Variants in RGS7 observed in about 807,000 individuals in gnomAD.
The protein encoded by RGS7 is regulator of G-protein signaling 7.
RGS7 carries 27 observed loss-of-function variants against 81.1 expected under a neutral mutation model. That is an observed-to-expected ratio of 0.33 (90% CI 0.25 to 0.46). RGS7 has a LOEUF of 0.46. Ranked by LOEUF, RGS7 falls within the 20% of genes least tolerant of loss-of-function variation. The pLI is 1.00. For missense variants in RGS7, 396 were observed against 607.4 expected (o/e 0.65, Z 3.66); for synonymous variants, 208 against 207.7 (o/e 1.00, Z -0.01).
chr1:240,898,542 C>T (rs75103868), intron 6 of RGS7, among the ~76,000 whole-genome samples: 19,447 of 151,980 alleles, frequency 0.13, 1,355 homozygotes, highest in Middle Eastern at 0.18. Context: ...TGTTATGTAC[C>T]CAGTAGTCAT....
intron 3 of RGS7, among the ~76,000 whole-genome samples, chr1:241,098,413 T>C (rs959561312): frequency 4.6e-5 from 7 of 152,228 alleles, no homozygotes; most frequent in African/African-American, 1.7e-4. Flanking sequence ...CTTTATTTAT[T>C]TTAATATTGT....
At chr1:240,993,311 T>C (rs904407327) in intron 3 of RGS7, among the ~76,000 whole-genome samples, 5 of 151,828 alleles carry the variant, frequency 3.3e-5, no homozygotes, top group Non-Finnish European at 7.4e-5. Context: ...GCCAAACTAT[T>C]TTCCAGAGGG....
intron 6 of RGS7, among the ~76,000 whole-genome samples, chr1:240,891,513 A>G (rs1668289609): frequency 6.6e-6 from 1 of 152,208 alleles, no homozygotes; most frequent in Non-Finnish European, 1.5e-5. Context: ...TATATTAAGT[A>G]AGAAATTAAA....
chr1:241,304,209 G>A (rs1187960702), intron 2 of RGS7, among the ~76,000 whole-genome samples: 1 of 152,114 alleles, frequency 6.6e-6, no homozygotes, highest in Non-Finnish European at 1.5e-5. Flanking sequence ...GAGTAACTAG[G>A]ACTACAAGCC....
intron 2 of RGS7, among the ~76,000 whole-genome samples, chr1:241,237,534 A>G (rs1413593366): frequency 6.6e-6 from 1 of 152,194 alleles, no homozygotes; most frequent in Non-Finnish European, 1.5e-5. Context: ...AAAATTAACC[A>G]CAGAAACTGA....
chr1:241,186,779 G>A (rs866028978), intron 2 of RGS7, among the ~76,000 whole-genome samples: 7 of 151,782 alleles, frequency 4.6e-5, no homozygotes, highest in Middle Eastern at 6.8e-3. Context: ...CACCTACCTC[G>A]GCCTCCCAAA....
At chr1:240,778,544 G>GT (rs762483529) in intron 18 of RGS7, among the ~76,000 whole-genome samples, 37 of 151,888 alleles carry the variant, frequency 2.4e-4, no homozygotes, top group Non-Finnish European at 4.1e-4. Flanking sequence ...GTTTTGTTTT[G>GT]TTTTTTTGAG....
At chr1:241,284,910 G>A (rs887278362) in intron 2 of RGS7, among the ~76,000 whole-genome samples, 4 of 151,360 alleles carry the variant, frequency 2.6e-5, no homozygotes, top group East Asian at 1.9e-4. Flanking sequence ...TCCCTCTGTC[G>A]CCCAGGCTGG....
chr1:241,244,823 G>A (rs1440433242), intron 2 of RGS7, among the ~76,000 whole-genome samples: 1 of 151,988 alleles, frequency 6.6e-6, no homozygotes, highest in Non-Finnish European at 1.5e-5. Context: ...GGATGAAGCT[G>A]GAAACCATTA....
intron 2 of RGS7, among the ~76,000 whole-genome samples, chr1:241,204,161 A>C (rs1488359343): frequency 1.3e-5 from 2 of 152,250 alleles, no homozygotes; most frequent in East Asian, 3.8e-4. Flanking sequence ...ATAGAGAAGG[A>C]GGGATGGAAC....
At chr1:241,325,733 C>A (rs1161103904) in intron 2 of RGS7, among the ~76,000 whole-genome samples, 1 of 152,034 alleles carries the variant, frequency 6.6e-6, no homozygotes. Flanking sequence ...TGTTTTAGGA[C>A]AACATTCTGA....
At chr1:241,264,792 GAC>G (rs575885097) in intron 2 of RGS7, among the ~76,000 whole-genome samples, 6 of 152,318 alleles carry the variant, frequency 3.9e-5, no homozygotes, top group Non-Finnish European at 7.3e-5. Flanking sequence ...AAAAGGAAGA[GAC>G]AGACATAAAC....
At chr1:240,875,189 C>T (rs917442907) in intron 6 of RGS7, among the ~76,000 whole-genome samples, 1 of 152,184 alleles carries the variant, frequency 6.6e-6, no homozygotes, top group Non-Finnish European at 1.5e-5. Flanking sequence ...CCAATATCTG[C>T]CCCCACTGCC....
intron 2 of RGS7, among the ~76,000 whole-genome samples, chr1:241,221,059 G>GAA (rs1464041994): frequency 4.0e-4 from 53 of 131,018 alleles, no homozygotes; most frequent in African/African-American, 1.5e-3. Flanking sequence ...AAGAAAGAAA[G>GAA]AGAGAGAGAG....
intron 3 of RGS7, among the ~76,000 whole-genome samples, chr1:241,030,935 C>T (rs10802925): frequency 0.19 from 29,550 of 152,052 alleles, 3,921 homozygotes; most frequent in African/African-American, 0.37. Context: ...TGCCCCAAAA[C>T]ACCCCCCAAC....
intron 3 of RGS7, among the ~76,000 whole-genome samples, chr1:241,051,463 A>AC (rs1463356357): frequency 5.2e-5 from 7 of 134,688 alleles, no homozygotes; most frequent in African/African-American, 2.0e-4. Context: ...GCAGAAGCCA[A>AC]CCAATATAGC....
chr1:241,315,211 C>G (rs994945083), intron 2 of RGS7, among the ~76,000 whole-genome samples: 9 of 127,262 alleles, frequency 7.1e-5, no homozygotes, highest in African/African-American at 1.5e-4. Flanking sequence ...GTCTTAATAA[C>G]AGCCAAAGAT....
chr1:241,299,935 CAAAAAAA>C (rs35939099), intron 2 of RGS7, among the ~76,000 whole-genome samples: 13 of 58,090 alleles, frequency 2.2e-4, no homozygotes, highest in African/African-American at 6.7e-4. Context: ...CTCGTTTCTC[CAAAAAAA>C]AAAAAAAAAA....
chr1:240,837,254 C>CT (rs1694869008), intron 9 of RGS7, among the ~76,000 whole-genome samples: 1 of 152,232 alleles, frequency 6.6e-6, no homozygotes, highest in Admixed American at 6.5e-5. Context: ...AGCGTGGACA[C>CT]TTTCCTGTGA....
Sources: allele counts gnomAD v4.1 joint callset (sites outside exome capture counted in the v4.1 genomes callset), GRCh38; gene constraint gnomAD v4.1.1; transcripts MANE v1.5; gene names NCBI Gene and HGNC (gene_info 2026-07-23, HGNC 2026-07-21).